ENOPH1: variants seen among roughly 807,000 people sequenced by gnomAD.
ENOPH1 encodes enolase-phosphatase E1.
Under a neutral mutation model 31.1 loss-of-function variants are expected in ENOPH1, and 14 were observed. That is an observed-to-expected ratio of 0.45 (90% confidence interval 0.30 to 0.70). ENOPH1 has a LOEUF of 0.70. Ranked by LOEUF, ENOPH1 falls within the 30% of genes least tolerant of loss-of-function variation. The pLI is 0.09. For synonymous variants in ENOPH1, 127 were observed against 123.2 expected (o/e 1.03, Z -0.21); for missense variants, 243 against 321.5 (o/e 0.76, Z 1.87).
At chr4:82,446,677 G>GTGACGGAA (rs1722194319) in intron 1 of ENOPH1, among the ~76,000 whole-genome samples, 3 of 108,558 alleles carry the variant, frequency 2.8e-5, no homozygotes, top group East Asian at 2.9e-4. Context: ...TTTTTTTTTT[G>GTGACGGAA]TGTGACGGAA....
In ENOPH1 at chr4:82,447,925, T is replaced by A. The variant is rs371350148; in HGVS notation, c.90T>A (p.Ile30=). 201 of 1,600,512 alleles carry A rather than the reference T, an allele frequency of 1.3e-4. No individual in the cohort carries two copies. Among genetic ancestry groups the A allele is most frequent in the Non-Finnish European group, 1.6e-4 (188 of 1,171,402 alleles). Residue 30 remains isoleucine, a synonymous_variant, in exon 2 of 6, where the codon ATT becomes ATA. Transcript: ENST00000273920. ...TCTTTTACTCTTTTATCCAGGACAT[T>A]TTATTTCCTTACATCGAAGAAAATG... The part of the protein sequence containing the change: ...TTTPIAFVKD[I]LFPYIEENVK...
chr4:82,459,951 G>GAC (rs768657177), intron 5 of ENOPH1, 30 bp from the exon 6 acceptor site: 31 of 1,609,758 alleles, frequency 1.9e-5, no homozygotes, highest in South Asian at 1.4e-4. Context: ...TGGTGTTTCT[G>GAC]ACACACACAC....
rs546080631 is a variant in ENOPH1 at position 82,453,068 on chromosome 4, A to G, written c.390-1654A>G. ...AGGCGTGTGCCACCACGCCCGGCTA[A>G]TTTTTTGTATTTTTAGTAGAGACAG... On this transcript the variant is annotated intron_variant, in intron 3 of 5. Coordinates refer to ENST00000273920, the MANE Select transcript of ENOPH1 (RefSeq NM_021204.5). Among the ~76,000 whole-genome samples, 3 of 151,452 alleles carry G rather than the reference A, an allele frequency of 2.0e-5. No individual in the cohort carries two copies. In the South Asian group the frequency reaches 6.3e-4, roughly 32 times the overall value.
intron 1 of ENOPH1, among the ~76,000 whole-genome samples, chr4:82,446,923 G>A (rs1421952370): frequency 6.7e-6 from 1 of 149,848 alleles, no homozygotes; most frequent in African/African-American, 2.5e-5. Flanking sequence ...AGCCAGGATG[G>A]TCTCGATCTC....
chr4:82,434,900 G>A (rs1721868466), intron 1 of ENOPH1, among the ~76,000 whole-genome samples: 1 of 142,998 alleles, frequency 7.0e-6, no homozygotes. Context: ...GAGCGAGACT[G>A]TCTTTAAAAA....
chr4:82,459,005 G>T (rs1722572325), intron 5 of ENOPH1, among the ~76,000 whole-genome samples: 1 of 152,154 alleles, frequency 6.6e-6, no homozygotes, highest in Non-Finnish European at 1.5e-5. Flanking sequence ...CAGTTAATCT[G>T]TTCAGGTGCT....
At chr4:82,448,940 C>A (rs1722270049) in intron 2 of ENOPH1, among the ~76,000 whole-genome samples, 1 of 151,100 alleles carries the variant, frequency 6.6e-6, no homozygotes, top group Non-Finnish European at 1.5e-5. Flanking sequence ...CGCCTGTAGT[C>A]CCAGCTACTT....
chr4:82,455,589 G>A (rs1722466558), intron 4 of ENOPH1, among the ~76,000 whole-genome samples: 2 of 151,534 alleles, frequency 1.3e-5, no homozygotes, highest in Middle Eastern at 3.4e-3. Flanking sequence ...GACCATCCTG[G>A]CTAACATGGT....
chr4:82,457,618 TAC>T (rs149668370), intron 5 of ENOPH1, among the ~76,000 whole-genome samples: 9 of 150,752 alleles, frequency 6.0e-5, no homozygotes, highest in East Asian at 1.9e-4. Flanking sequence ...CATCGCTATG[TAC>T]ACACACACAC....
At chr4:82,444,661 G>A (rs1722135811) in intron 1 of ENOPH1, among the ~76,000 whole-genome samples, 1 of 152,182 alleles carries the variant, frequency 6.6e-6, no homozygotes, top group Admixed American at 6.6e-5. Flanking sequence ...CGATCACTGA[G>A]CTTTGCAGAG....
At chr4:82,447,088 C>T (rs535893059) in intron 1 of ENOPH1, among the ~76,000 whole-genome samples, 6 of 152,028 alleles carry the variant, frequency 3.9e-5, no homozygotes, top group African/African-American at 1.2e-4. Flanking sequence ...CAGGTTCAAG[C>T]GATTCTCCTG....
chr4:82,437,657 C>G (rs764329958), intron 1 of ENOPH1, among the ~76,000 whole-genome samples: 6 of 152,202 alleles, frequency 3.9e-5, no homozygotes, highest in Non-Finnish European at 5.9e-5. Context: ...TCTTCGTCCT[C>G]TGAACTCATT....
At chr4:82,450,282 A>G (rs1396343185) in intron 2 of ENOPH1, among the ~76,000 whole-genome samples, 5 of 152,236 alleles carry the variant, frequency 3.3e-5, no homozygotes, top group African/African-American at 1.2e-4. Context: ...AACCATAACA[A>G]AACCAATTTT....
chr4:82,454,799 G>C lies in ENOPH1; in HGVS notation c.467G>C (p.Ser156Thr). The stretch of plus-strand genomic sequence containing the variant: ...AAGGTGTACATCTATTCCTCAGGGA[G>C]TGTGGAGGCACAGAAACTGTTATTC... Reference protein sequence around the residue: ...GMKVYIYSSGSVEAQKLLFGH... With the variant: ...GMKVYIYSSGTVEAQKLLFGH... Residue 156 changes from serine (S) to threonine (T), a missense_variant, in exon 4 of 6, where the codon AGT becomes ACT. Transcript: ENST00000273920. The C allele has an allele frequency of 6.2e-7, 1 of 1,614,024 alleles. No individual in the cohort carries two copies. The highest frequency in any genetic ancestry group is 8.5e-7 in the Non-Finnish European group (1 of 1,179,978).
intron 3 of ENOPH1, among the ~76,000 whole-genome samples, chr4:82,452,918 T>TTTTTC (rs1553902925): frequency 6.9e-6 from 1 of 144,832 alleles, no homozygotes; most frequent in African/African-American, 2.7e-5. Flanking sequence ...TTTTTTTTTT[T>TTTTTC]TGAGACGGAG....
chr4:82,454,896 G>A (rs1346105419), intron 4 of ENOPH1, 42 bp downstream of exon 4: 11 of 1,564,724 alleles, frequency 7.0e-6, no homozygotes, highest in Non-Finnish European at 7.8e-6. Context: ...CGCTATCAAA[G>A]CATAAAATAA....
At chr4:82,437,207 C>T (rs1490630369) in intron 1 of ENOPH1, among the ~76,000 whole-genome samples, 1 of 152,104 alleles carries the variant, frequency 6.6e-6, no homozygotes, top group Non-Finnish European at 1.5e-5. Context: ...CTTTCCTTTC[C>T]CTCACATTTA....
intron 4 of ENOPH1, among the ~76,000 whole-genome samples, chr4:82,455,624 CAA>C (rs5859823): frequency 2.9e-4 from 43 of 148,356 alleles, no homozygotes; most frequent in Admixed American, 1.1e-3. Context: ...ACTAAAAATA[CAA>C]AAAAAAAAAA....
intron 2 of ENOPH1, among the ~76,000 whole-genome samples, chr4:82,448,714 G>A (rs1722262542): frequency 6.6e-6 from 1 of 151,688 alleles, no homozygotes; most frequent in Non-Finnish European, 1.5e-5. Flanking sequence ...TCGAGGTCAG[G>A]AGTTTGAGAC....
Sources: gnomAD v4.1 joint callset for allele counts (sites outside exome capture counted in the v4.1 genomes callset) on GRCh38, gnomAD v4.1.1 for gene constraint, MANE v1.5 for transcripts, NCBI Gene and HGNC (gene_info 2026-07-23, HGNC 2026-07-21) for gene names.